NCOA7: variants seen among roughly 807,000 people sequenced by gnomAD.
The protein encoded by NCOA7 is nuclear receptor coactivator 7.
A neutral mutation model predicts 104.3 loss-of-function variants in NCOA7; 45 were observed. The observed-to-expected ratio is 0.43, with a 90% confidence interval of 0.34 to 0.55. The LOEUF (loss-of-function observed/expected upper bound fraction) is 0.55, where lower values mean the gene tolerates loss of function less well. Ranked by LOEUF, NCOA7 falls within the 20% of genes least tolerant of loss-of-function variation. NCOA7 has a pLI of 0.02. For missense variants in NCOA7, 1,041 were observed against 1,119.7 expected, an observed-to-expected ratio of 0.93 and a Z score of 1.00; for synonymous variants, 398 against 402.3, an observed-to-expected ratio of 0.99 and a Z score of 0.13.
intron 3 of NCOA7, among the ~76,000 whole-genome samples, chr6:125,857,898 C>CT (rs879911857): frequency 8.5e-4 from 122 of 143,330 alleles, no homozygotes; most frequent in South Asian, 1.3e-3. Flanking sequence ...AAAGCGTATG[C>CT]TTTTTTTTTT....
intron 9 of NCOA7, 61 bp downstream of exon 9, chr6:125,890,042 C>A: frequency 8.0e-7 from 1 of 1,248,134 alleles, no homozygotes; most frequent in Non-Finnish European, 1.1e-6. Flanking sequence ...CTACAATTTG[C>A]ACATGTAATA....
intron 2 of NCOA7, among the ~76,000 whole-genome samples, chr6:125,837,046 A>G (rs910136234): frequency 1.3e-5 from 2 of 152,170 alleles, no homozygotes; most frequent in East Asian, 1.9e-4. Flanking sequence ...AATACCTTAC[A>G]TTATTCTTTA....
intron 2 of NCOA7, among the ~76,000 whole-genome samples, chr6:125,836,013 C>T (rs191586745): frequency 4.6e-5 from 7 of 152,210 alleles, no homozygotes; most frequent in African/African-American, 1.7e-4. Context: ...AACTTTCCTA[C>T]TTGAGATTCT....
chr6:125,789,225 G>C (rs1384788277), upstream of NCOA7, among the ~76,000 whole-genome samples: 5 of 152,158 alleles, frequency 3.3e-5, no homozygotes, highest in African/African-American at 1.2e-4. Flanking sequence ...TGGGGCTCTA[G>C]ATCAACCAGT....
upstream of NCOA7, chr6:125,790,639 C>A (rs1774740048): frequency 6.6e-6 from 1 of 152,058 alleles, no homozygotes; most frequent in African/African-American, 2.4e-5. Context: ...TCCCAGGCCC[C>A]CGCAACCGCT....
chr6:125,816,962 C>A (rs923135264), intron 2 of NCOA7, among the ~76,000 whole-genome samples: 7 of 152,324 alleles, frequency 4.6e-5, no homozygotes, highest in African/African-American at 1.7e-4. Context: ...CTGACAACCA[C>A]TATAATTTGT....
At chr6:125,807,310 C>G (rs1776554893) in intron 1 of NCOA7, among the ~76,000 whole-genome samples, 1 of 152,160 alleles carries the variant, frequency 6.6e-6, no homozygotes, top group South Asian at 2.1e-4. Flanking sequence ...CCTGTTTGTT[C>G]TAATTTCCCT....
intron 2 of NCOA7, among the ~76,000 whole-genome samples, chr6:125,842,748 C>T (rs571563969): frequency 6.6e-6 from 1 of 152,134 alleles, no homozygotes; most frequent in African/African-American, 2.4e-5. Context: ...TTCTAATACT[C>T]CCACTTCCAA....
intron 1 of NCOA7, among the ~76,000 whole-genome samples, chr6:125,792,864 C>CT (rs1774989019): frequency 6.6e-6 from 1 of 151,214 alleles, no homozygotes. Flanking sequence ...TTGATTTCAT[C>CT]TTTTTTCCAT....
At chr6:125,877,005 AT>A (rs1783437165) in intron 4 of NCOA7, among the ~76,000 whole-genome samples, 2 of 152,374 alleles carry the variant, frequency 1.3e-5, no homozygotes, top group African/African-American at 4.8e-5. Context: ...CAATATGAAT[AT>A]AGTATACAAA....
chr6:125,797,999 T>C (rs1562771777), intron 1 of NCOA7: 2 of 152,228 alleles, frequency 1.3e-5, no homozygotes, highest in African/African-American at 4.8e-5. Flanking sequence ...TAATACTGAC[T>C]TCATGGCATC....
At chr6:125,903,253 G>A (rs567808656) in intron 10 of NCOA7, among the ~76,000 whole-genome samples, 13 of 152,306 alleles carry the variant, frequency 8.5e-5, no homozygotes, top group African/African-American at 2.6e-4. Flanking sequence ...ATTTTAGATG[G>A]GTTGATTTTG....
chr6:125,874,842 A>T, intron 3 of NCOA7, 47 bp from the exon 4 acceptor site: 1 of 1,470,544 alleles, frequency 6.8e-7, no homozygotes, highest in Non-Finnish European at 9.5e-7. Flanking sequence ...CCCTGGCTTC[A>T]GTCCCTGAAA....
intron 10 of NCOA7, among the ~76,000 whole-genome samples, chr6:125,914,720 A>G (rs73588240): frequency 0.16 from 23,823 of 152,050 alleles, 2,033 homozygotes; most frequent in African/African-American, 0.25. Flanking sequence ...GCATATTTCT[A>G]TTGATTAAGC....
At chr6:125,918,643 AG>A (rs1479847516) in intron 11 of NCOA7, among the ~76,000 whole-genome samples, 1 of 152,164 alleles carries the variant, frequency 6.6e-6, no homozygotes, top group African/African-American at 2.4e-5. Context: ...CCTGCTTATT[AG>A]TCATTAAAAC....
chr6:125,856,608 T>A (rs1317108807), intron 3 of NCOA7, among the ~76,000 whole-genome samples: 2 of 152,166 alleles, frequency 1.3e-5, no homozygotes, highest in Non-Finnish European at 2.9e-5. Context: ...AGATGGGGCC[T>A]CCCAAAGTGC....
At chr6:125,857,380 G>A (rs1409259562) in intron 3 of NCOA7, among the ~76,000 whole-genome samples, 2 of 151,466 alleles carry the variant, frequency 1.3e-5, no homozygotes, top group Non-Finnish European at 2.9e-5. Flanking sequence ...TGGGATTACA[G>A]GCATATGACA....
chr6:125,920,955 G>A lies in NCOA7; in HGVS notation c.2257G>A (p.Glu753Lys). ...TTTCTCATTTCAGATCATCACTGTT[G>A]AAGAGGCAAAGCGCAGGAAGAGCAC... is the stretch of plus-strand genomic sequence containing the variant. ...TTKSWEIITV[E>K]EAKRRKSTCS... is the part of the protein sequence containing the mutation. The change falls in exon 12 of 16, where the codon GAA (glutamate) becomes AAA (lysine). Residue 753 changes from glutamate to lysine, a missense_variant. By Grantham distance (56) the Glu-to-Lys change is moderately conservative. This residue lies in a region of NCOA7 where 914 missense variants were observed against 942.7 expected (regional missense o/e 0.97). Transcript: ENST00000392477. The A allele has an allele frequency of 3.7e-6, 6 of 1,613,284 alleles. No individual in the cohort carries two copies. Among genetic ancestry groups the A allele is most frequent in the Non-Finnish European group, 4.2e-6 (5 of 1,179,472 alleles).
At chr6:125,815,465 G>A in intron 2 of NCOA7, 61 bp downstream of exon 2, 1 of 1,365,122 alleles carries the variant, frequency 7.3e-7, no homozygotes, top group Non-Finnish European at 1.0e-6. Context: ...AGGGGACTTT[G>A]TCCTCAAGTA....
Sources: gnomAD v4.1 joint callset for allele counts (sites outside exome capture counted in the v4.1 genomes callset) on GRCh38, gnomAD v4.1.1 for gene constraint, gnomAD v4.1.1 regional missense constraint, MANE v1.5 for transcripts, NCBI Gene and HGNC (gene_info 2026-07-23, HGNC 2026-07-21) for gene names.